RABEP2: variants seen among roughly 807,000 people sequenced by gnomAD.
The protein encoded by RABEP2 is rabaptin, RAB GTPase binding effector protein 2.
In RABEP2, 57 loss-of-function variants were observed where a neutral mutation model predicts 74.1. The observed-to-expected ratio is 0.77, with a 90% CI of 0.62 to 0.96. The LOEUF (loss-of-function observed/expected upper bound fraction) is 0.96, where lower values mean the gene tolerates loss of function less well. RABEP2 is among the 40% of genes least tolerant of loss of function. The pLI is 0.00. For missense variants in RABEP2, 692 were observed against 756.3 expected (o/e 0.91, Z 1.00); for synonymous variants, 351 against 344.0 (o/e 1.02, Z -0.23).
chr16:28,924,797 T>C, intron 1 of RABEP2, 182 bp from the exon 2 acceptor site: 3 of 605,054 alleles, frequency 5.0e-6, no homozygotes, highest in Admixed American at 4.6e-5. Context: ...GGGTGCTGCC[T>C]ACACTCCATC....
chr16:28,914,488 G>C lies in RABEP2; in HGVS notation c.642C>G (p.Ser214Arg), dbSNP rs750274682. 1.5e-5 allele frequency: 24 copies of C among 1,613,184 alleles called. No individual in the cohort carries two copies. In the East Asian group the frequency reaches 5.3e-4, roughly 36 times the overall value. Residue 214 changes from serine (S) to arginine (R), a missense_variant, in exon 5 of 13, where the codon AGC becomes AGG. By Grantham distance (110) the Ser-to-Arg change is moderately radical. Coordinates refer to ENST00000358201, the MANE Select transcript of RABEP2 (RefSeq NM_024816.3). ...CCTCAGCGGCTGGACCCCCATCTCC[G>C]CTCAGCTCCTCCAGAGGCTCCAGCG... is the stretch of plus-strand genomic sequence containing the variant. ...SPPLEPLEEL[S>R]GDGGPAAEAF...
intron 2 of RABEP2, 96 bp from the exon 3 acceptor site, chr16:28,920,039 G>T: frequency 7.5e-7 from 1 of 1,336,476 alleles, no homozygotes; most frequent in Non-Finnish European, 9.9e-7. Context: ...GACTCTTTCT[G>T]TGAGACAATC....
chr16:28,917,215 G>C (rs959346238), intron 3 of RABEP2, among the ~76,000 whole-genome samples: 3 of 151,858 alleles, frequency 2.0e-5, no homozygotes, highest in African/African-American at 7.3e-5. Context: ...TCCTCTAACC[G>C]TAGATACCCA....
chr16:28,905,803 C>G, intron 10 of RABEP2, 44 bp from the exon 11 acceptor site: 2 of 1,614,000 alleles, frequency 1.2e-6, no homozygotes, highest in Middle Eastern at 1.6e-4. Flanking sequence ...CATGCCCTCT[C>G]CCTTTCCCCA....
intron 5 of RABEP2, among the ~76,000 whole-genome samples, chr16:28,912,100 G>T (rs1218762189): frequency 2.6e-5 from 4 of 151,878 alleles, no homozygotes; most frequent in African/African-American, 7.3e-5. Flanking sequence ...CAAAAAATTA[G>T]CCAGGTGTGG....
intron 5 of RABEP2, among the ~76,000 whole-genome samples, chr16:28,912,585 G>C (rs1302102318): frequency 6.6e-6 from 1 of 151,682 alleles, no homozygotes. Flanking sequence ...CTACTTTTTT[G>C]TGTTTTTTTG....
chr16:28,911,245 T>C (rs1964309827), intron 5 of RABEP2, 66 bp from the exon 6 acceptor site: 1 of 1,480,510 alleles, frequency 6.8e-7, no homozygotes, highest in African/African-American at 1.4e-5. Flanking sequence ...ACACTTCTCG[T>C]GGCCCACCTC....
intron 8 of RABEP2, 27 bp downstream of exon 8, chr16:28,908,582 G>A (rs1257378261): frequency 2.5e-6 from 4 of 1,580,472 alleles, no homozygotes; most frequent in African/African-American, 2.7e-5. Context: ...GGTGGCTCCA[G>A]GCTCTCAGTG....
intron 7 of RABEP2, among the ~76,000 whole-genome samples, chr16:28,909,796 G>A (rs56003844): frequency 3.3e-5 from 5 of 151,498 alleles, no homozygotes; most frequent in Admixed American, 6.6e-5. Flanking sequence ...AGGCCGAGAC[G>A]GGTGGATCAC....
In RABEP2 at chr16:28,925,209, C is replaced by A; in HGVS notation, c.-46G>T. On this transcript the variant is annotated 5_prime_UTR_variant, in exon 1 of 13. Transcript: ENST00000358201. ...ATTCCCGCACTCCCTGGTGACGGAG[C>A]GCACCGCTTCCGGGTCCTCTCGGCT... is the stretch of plus-strand genomic sequence containing the variant. 2 of 1,508,436 alleles carry A rather than the reference C, an allele frequency of 1.3e-6. No individual in the cohort carries two copies. The highest frequency in any genetic ancestry group is 1.2e-5 in the South Asian group (1 of 80,864). 93.4% of individuals were successfully genotyped at this position (1,508,436 alleles called of 1,614,324 possible).
chr16:28,905,579 G>T, intron 11 of RABEP2, 66 bp from the exon 12 acceptor site: 1 of 1,468,458 alleles, frequency 6.8e-7, no homozygotes, highest in Non-Finnish European at 9.2e-7. Context: ...AGGGTGCATG[G>T]CCAGCCGTTG....
chr16:28,924,042 G>A (rs1267446390), intron 2 of RABEP2: 1 of 328,704 alleles, frequency 3.0e-6, no homozygotes, highest in Non-Finnish European at 5.8e-6. Flanking sequence ...GACTGGGCCA[G>A]GGCTGATTCT....
At chr16:28,919,494 CA>C (rs1475475404) in intron 3 of RABEP2, among the ~76,000 whole-genome samples, 1 of 152,224 alleles carries the variant, frequency 6.6e-6, no homozygotes, top group Non-Finnish European at 1.5e-5. Context: ...CACCAGAAGT[CA>C]ATATTTAATA....
At chr16:28,912,246 C>CAA (rs879699614) in intron 5 of RABEP2, among the ~76,000 whole-genome samples, 4 of 137,224 alleles carry the variant, frequency 2.9e-5, no homozygotes, top group Non-Finnish European at 4.8e-5. Context: ...GACTCCATCT[C>CAA]AAAAAAAAAA....
intron 5 of RABEP2, among the ~76,000 whole-genome samples, chr16:28,913,635 C>T (rs1964343518): frequency 6.6e-6 from 1 of 151,912 alleles, no homozygotes; most frequent in African/African-American, 2.4e-5. Flanking sequence ...GCATGCGCCA[C>T]CACGCCCAGC....
intron 9 of RABEP2, 31 bp from the exon 10 acceptor site, chr16:28,905,909 C>T: frequency 6.2e-7 from 1 of 1,613,434 alleles, no homozygotes; most frequent in East Asian, 2.2e-5. Flanking sequence ...GAGGTCAAGG[C>T]CAGCCTCTCT....
chr16:28,912,056 C>T (rs1964321054), intron 5 of RABEP2, among the ~76,000 whole-genome samples: 1 of 151,994 alleles, frequency 6.6e-6, no homozygotes, highest in Non-Finnish European at 1.5e-5. Context: ...ACCATCCTGG[C>T]TAACATGGTG....
In RABEP2 at chr16:28,921,052, C is replaced by T. The variant is rs538684508; in HGVS notation, c.275-1109G>A. 6.5e-5 allele frequency: 26 copies of T among 398,124 alleles called. No homozygotes were observed. In the East Asian group the frequency reaches 1.7e-3, roughly 26 times the overall value. The allele number at this position is 398,124 out of a possible 1,614,324, so 24.7% of individuals were successfully genotyped here. A position where few individuals can be genotyped will look rare whatever the true frequency, so the allele number is the denominator to read the frequency against. On this transcript the variant is annotated intron_variant, in intron 2 of 12. Transcript: ENST00000358201. ...CTAATTTTTGTATTTTTTGTAGAGA[C>T]GGGGTCTCACCATGTTGCCCAGGCT...
intron 1 of RABEP2, 96 bp from the exon 2 acceptor site, chr16:28,924,711 TG>T: frequency 8.6e-7 from 1 of 1,157,062 alleles, no homozygotes; most frequent in Non-Finnish European, 1.3e-6. Flanking sequence ...TGCCTTCATC[TG>T]GGGCCTCCTT....
Sources: gnomAD v4.1 joint callset for allele counts (sites outside exome capture counted in the v4.1 genomes callset) on GRCh38, gnomAD v4.1.1 for gene constraint, MANE v1.5 for transcripts, NCBI Gene and HGNC (gene_info 2026-07-23, HGNC 2026-07-21) for gene names.